Variants in RCAN2 observed in about 807,000 individuals in gnomAD.
RCAN2 encodes regulator of calcineurin 2, also known as calcipressin-2.
In RCAN2, 9 loss-of-function variants were observed where a neutral mutation model predicts 23.6. The ratio of observed to expected loss-of-function variants is 0.38; its 90% CI spans 0.23 to 0.67. RCAN2 has a LOEUF of 0.67. RCAN2 is among the 30% of genes least tolerant of loss of function. RCAN2 has a pLI of 0.51. For missense variants in RCAN2, 273 were observed against 302.3 expected, an observed-to-expected ratio of 0.90 and a Z score of 0.72; for synonymous variants, 109 against 115.7, an observed-to-expected ratio of 0.94 and a Z score of 0.37.
At chr6:46,291,096 C>A (rs937358269) in intron 2 of RCAN2, among the ~76,000 whole-genome samples, 3 of 152,066 alleles carry the variant, frequency 2.0e-5, no homozygotes, top group Non-Finnish European at 4.4e-5. Context: ...GCAAAGAGTA[C>A]TTTGCCAAGG....
chr6:46,320,987 G>A (rs1442890831), intron 2 of RCAN2, among the ~76,000 whole-genome samples: 4 of 152,142 alleles, frequency 2.6e-5, no homozygotes, highest in Admixed American at 1.3e-4. Flanking sequence ...AGTGCTGGTG[G>A]GGGGACTAGG....
intron 2 of RCAN2, among the ~76,000 whole-genome samples, chr6:46,355,354 G>T (rs1193124697): frequency 6.6e-6 from 1 of 152,150 alleles, no homozygotes; most frequent in Non-Finnish European, 1.5e-5. Context: ...CTTAATAGGG[G>T]CTCCAGTGTT....
chr6:46,474,214 TG>T (rs974438591), intron 1 of RCAN2, among the ~76,000 whole-genome samples: 2 of 146,486 alleles, frequency 1.4e-5, no homozygotes, highest in Non-Finnish European at 3.0e-5. Flanking sequence ...GAAAGGGTAG[TG>T]GGGGGTAGCT....
intron 2 of RCAN2, among the ~76,000 whole-genome samples, chr6:46,424,778 G>T (rs1766988827): frequency 6.6e-6 from 1 of 151,908 alleles, no homozygotes; most frequent in Non-Finnish European, 1.5e-5. Flanking sequence ...AGGGATTCTG[G>T]GAATACTATA....
At chr6:46,457,091 A>C in intron 1 of RCAN2, 113 bp from the exon 2 acceptor site, 1 of 674,916 alleles carries the variant, frequency 1.5e-6, no homozygotes, top group Non-Finnish European at 2.5e-6. Flanking sequence ...GATTAGGAGC[A>C]GAGGCAGGGG....
intron 2 of RCAN2, among the ~76,000 whole-genome samples, chr6:46,451,010 T>C (rs887511219): frequency 5.3e-5 from 8 of 152,116 alleles, no homozygotes; most frequent in African/African-American, 1.9e-4. Flanking sequence ...CATATTTCAA[T>C]ACATCATATT....
intron 2 of RCAN2, among the ~76,000 whole-genome samples, chr6:46,295,414 A>G (rs1273716262): frequency 2.6e-5 from 4 of 152,112 alleles, no homozygotes; most frequent in Non-Finnish European, 5.9e-5. Context: ...GAAGAAAGAG[A>G]AGATGAGAAT....
intron 2 of RCAN2, among the ~76,000 whole-genome samples, chr6:46,309,122 T>G (rs1356909287): frequency 6.6e-6 from 1 of 152,122 alleles, no homozygotes; most frequent in African/African-American, 2.4e-5. Flanking sequence ...TTTGCAGAAA[T>G]GAAGCCAGGA....
At chr6:46,340,750 C>T (rs77157451) in intron 2 of RCAN2, among the ~76,000 whole-genome samples, 2,015 of 152,284 alleles carry the variant, frequency 0.013, 45 homozygotes, top group South Asian at 0.043. Context: ...TTAACTAATA[C>T]AGCAGATGTA....
chr6:46,453,016 C>A (rs564842609), intron 2 of RCAN2, among the ~76,000 whole-genome samples: 17 of 152,260 alleles, frequency 1.1e-4, no homozygotes, highest in Admixed American at 2.6e-4. Flanking sequence ...CTTCACTGTT[C>A]CCCTTTAGCA....
intron 1 of RCAN2, among the ~76,000 whole-genome samples, chr6:46,485,743 C>G (rs1768974587): frequency 6.6e-6 from 1 of 152,106 alleles, no homozygotes; most frequent in Admixed American, 6.6e-5. Context: ...TCTGTTTATA[C>G]TAAAACACCC....
At chr6:46,432,979 C>T (rs1187150329) in intron 2 of RCAN2, among the ~76,000 whole-genome samples, 1 of 152,026 alleles carries the variant, frequency 6.6e-6, no homozygotes, top group Non-Finnish European at 1.5e-5. Context: ...TATTATTTTA[C>T]TTTTTTTGGA....
intron 2 of RCAN2, among the ~76,000 whole-genome samples, chr6:46,285,780 TA>T (rs1249892243): frequency 3.3e-5 from 5 of 152,232 alleles, no homozygotes; most frequent in Admixed American, 3.3e-4. Flanking sequence ...ATTTTAATTT[TA>T]AGTTCTAGGG....
In RCAN2 at chr6:46,436,161, T is replaced by C. The variant is rs562759506; in HGVS notation, c.225+20591A>G. 5.3e-5 allele frequency among the ~76,000 whole-genome samples: 8 copies of C among 152,338 alleles called. No homozygotes were observed. In the South Asian group the frequency reaches 1.7e-3, roughly 32 times the overall value. Reference sequence around the variant, plus strand: ...CTAGACAATGGCAGTTGACCAGAGTTGCTCTTTGGTGCGTTATGCAGCAAC... The same window carrying C: ...CTAGACAATGGCAGTTGACCAGAGTCGCTCTTTGGTGCGTTATGCAGCAAC... On this transcript the variant is annotated intron_variant, in intron 2 of 4. Coordinates refer to ENST00000371374, the MANE Select transcript of RCAN2 (RefSeq NM_001251974.2).
intron 2 of RCAN2, among the ~76,000 whole-genome samples, chr6:46,427,293 C>T (rs1273740673): frequency 6.6e-6 from 1 of 152,070 alleles, no homozygotes; most frequent in African/African-American, 2.4e-5. Context: ...CTCAGCAGTC[C>T]AGCTTACTGG....
chr6:46,396,081 C>T (rs901384690), intron 2 of RCAN2, among the ~76,000 whole-genome samples: 4 of 152,154 alleles, frequency 2.6e-5, no homozygotes, highest in South Asian at 2.1e-4. Flanking sequence ...CGAAATTCTG[C>T]GCCTTTAACC....
chr6:46,474,294 C>T (rs1300892537), intron 1 of RCAN2, among the ~76,000 whole-genome samples: 1 of 151,962 alleles, frequency 6.6e-6, no homozygotes, highest in Non-Finnish European at 1.5e-5. Context: ...GGAGAGCTTA[C>T]TACATATTAA....
intron 2 of RCAN2, among the ~76,000 whole-genome samples, chr6:46,425,896 C>CT (rs1049166361): frequency 0.039 from 4,896 of 126,632 alleles, 118 homozygotes; most frequent in South Asian, 0.11. Flanking sequence ...TTCTTTCTTT[C>CT]TTTTTTTTTT....
At chr6:46,269,206 T>C (rs1364690636) in intron 2 of RCAN2, among the ~76,000 whole-genome samples, 1 of 152,258 alleles carries the variant, frequency 6.6e-6, no homozygotes, top group African/African-American at 2.4e-5. Context: ...TTATCTGTTT[T>C]TCTTTTCTTC....
Sources: gnomAD v4.1 joint callset for allele counts (sites outside exome capture counted in the v4.1 genomes callset) on GRCh38, gnomAD v4.1.1 for gene constraint, MANE v1.5 for transcripts, NCBI Gene and HGNC (gene_info 2026-07-23, HGNC 2026-07-21) for gene names.